The following CAMTA1 variants were observed in gnomAD, a reference collection of about 807,000 sequenced individuals.
CAMTA1 encodes the protein calmodulin binding transcription activator 1, also known as calmodulin-binding transcription activator 1.
Under a neutral mutation model 170.9 loss-of-function variants are expected in CAMTA1, and 27 were observed. The observed-to-expected ratio is 0.16, with a 90% CI of 0.12 to 0.22. The LOEUF (loss-of-function observed/expected upper bound fraction) is 0.22. Among genes scored for constraint, CAMTA1 ranks in the 10% least tolerant of loss-of-function variants. The pLI, the probability that CAMTA1 is intolerant of heterozygous loss-of-function variation, is 1.00. For missense variants in CAMTA1, 1,619 were observed against 2,217.2 expected, an observed-to-expected ratio of 0.73 and a Z score of 5.42; for synonymous variants, 833 against 891.5, an observed-to-expected ratio of 0.93 and a Z score of 1.17.
chr1:6,956,558 A>G (rs1183005380), intron 3 of CAMTA1, among the ~76,000 whole-genome samples: 1 of 152,172 alleles, frequency 6.6e-6, no homozygotes, highest in Non-Finnish European at 1.5e-5. Flanking sequence ...ACTGACTCAG[A>G]AGGCAACAGC....
At chr1:7,760,203 T>A (rs1184355286) in intron 22 of CAMTA1, among the ~76,000 whole-genome samples, 18 of 152,250 alleles carry the variant, frequency 1.2e-4, no homozygotes, top group Non-Finnish European at 2.6e-4. Flanking sequence ...CAACATATTT[T>A]CTTTTTATTT....
At chr1:7,100,032 CT>C (rs1399027102) in intron 4 of CAMTA1, among the ~76,000 whole-genome samples, 1 of 152,170 alleles carries the variant, frequency 6.6e-6, no homozygotes. Flanking sequence ...CTATTGCCCC[CT>C]ATACAGATGT....
At chr1:7,650,381 G>A (rs977266297) in intron 7 of CAMTA1, among the ~76,000 whole-genome samples, 3 of 152,170 alleles carry the variant, frequency 2.0e-5, no homozygotes, top group African/African-American at 7.2e-5. Context: ...CACCCCACAC[G>A]CTCTGTATTT....
At chr1:7,666,213 C>T (rs960435971) in intron 9 of CAMTA1, among the ~76,000 whole-genome samples, 2 of 151,470 alleles carry the variant, frequency 1.3e-5, no homozygotes, top group Non-Finnish European at 2.9e-5. Context: ...AGATCGTCTA[C>T]ATCCACTGCC....
intron 5 of CAMTA1, among the ~76,000 whole-genome samples, chr1:7,344,748 C>CT (rs70984076): frequency 0.38 from 54,417 of 142,476 alleles, 10,874 homozygotes; most frequent in Non-Finnish European, 0.45. Flanking sequence ...CTGCTCAAGT[C>CT]TTTTTTTTTT....
chr1:6,929,458 G>A (rs1683986164), intron 3 of CAMTA1, among the ~76,000 whole-genome samples: 3 of 152,120 alleles, frequency 2.0e-5, no homozygotes, highest in Admixed American at 2.0e-4. Flanking sequence ...CGCCTCCTGG[G>A]TTCACGCCAT....
intron 5 of CAMTA1, among the ~76,000 whole-genome samples, chr1:7,313,052 C>T (rs973659386): frequency 2.6e-5 from 4 of 151,812 alleles, no homozygotes; most frequent in South Asian, 2.1e-4. Context: ...TCCTGTCTTT[C>T]GATAAAGTGG....
chr1:7,170,689 C>T (rs1649427276), intron 4 of CAMTA1, among the ~76,000 whole-genome samples: 1 of 152,126 alleles, frequency 6.6e-6, no homozygotes, highest in African/African-American at 2.4e-5. Context: ...GTATATGTGC[C>T]ACATTTTCTT....
chr1:7,711,502 C>G (rs1358063908), intron 11 of CAMTA1, among the ~76,000 whole-genome samples: 1 of 152,160 alleles, frequency 6.6e-6, no homozygotes, highest in African/African-American at 2.4e-5. Flanking sequence ...AAACACCATC[C>G]TGAAGCTACA....
chr1:7,707,840 C>T (rs2096538382), intron 11 of CAMTA1, among the ~76,000 whole-genome samples: 1 of 152,186 alleles, frequency 6.6e-6, no homozygotes, highest in African/African-American at 2.4e-5. Context: ...TTAGAGTCTT[C>T]TCCTCTTCTT....
intron 7 of CAMTA1, among the ~76,000 whole-genome samples, chr1:7,650,256 C>T (rs182122540): frequency 2.5e-3 from 380 of 152,350 alleles, no homozygotes; most frequent in Non-Finnish European, 3.9e-3. Flanking sequence ...AATGCCGCTT[C>T]GCACATCAGG....
chr1:6,812,957 T>C (rs970833968), intron 1 of CAMTA1, among the ~76,000 whole-genome samples: 1 of 152,212 alleles, frequency 6.6e-6, no homozygotes, highest in Non-Finnish European at 1.5e-5. Flanking sequence ...CCCAATTACC[T>C]TAGAGGTTAC....
At chr1:7,566,199 C>T (rs144851189) in intron 6 of CAMTA1, among the ~76,000 whole-genome samples, 9 of 152,290 alleles carry the variant, frequency 5.9e-5, no homozygotes, top group East Asian at 1.9e-4. Context: ...GGATCTGGTG[C>T]GAGCCGGGCT....
intron 3 of CAMTA1, among the ~76,000 whole-genome samples, chr1:6,862,652 C>T (rs1233416981): frequency 6.6e-6 from 1 of 152,114 alleles, no homozygotes; most frequent in Non-Finnish European, 1.5e-5. Flanking sequence ...CATACTCACC[C>T]ACTTTGGCTG....
intron 5 of CAMTA1, among the ~76,000 whole-genome samples, chr1:7,301,903 GC>G (rs1375472711): frequency 6.6e-6 from 1 of 152,140 alleles, no homozygotes; most frequent in African/African-American, 2.4e-5. Context: ...GCTTTCTCGG[GC>G]CCCTGGGCCT....
chr1:7,616,787 G>A (rs2150730948), intron 6 of CAMTA1, among the ~76,000 whole-genome samples: 1 of 152,228 alleles, frequency 6.6e-6, no homozygotes, highest in African/African-American at 2.4e-5. Flanking sequence ...TGAAGAGGAG[G>A]GGTGAGCGCA....
intron 3 of CAMTA1, among the ~76,000 whole-genome samples, chr1:7,016,251 G>A (rs1226873306): frequency 6.6e-6 from 1 of 152,172 alleles, no homozygotes; most frequent in African/African-American, 2.4e-5. Context: ...TCAACAGTTG[G>A]TTCCTTTCAG....
chr1:7,022,033 G>A (rs1327006383), intron 3 of CAMTA1, among the ~76,000 whole-genome samples: 2 of 152,202 alleles, frequency 1.3e-5, no homozygotes, highest in African/African-American at 4.8e-5. Context: ...AGCTGGTCAG[G>A]GGCAAAGCTC....
chr1:7,619,946 G>A (rs2095586230), intron 6 of CAMTA1, among the ~76,000 whole-genome samples: 2 of 152,228 alleles, frequency 1.3e-5, no homozygotes, highest in African/African-American at 4.8e-5. Flanking sequence ...TGCAGACAAT[G>A]TATGTGATGC....
Sources: gnomAD v4.1 joint callset for allele counts (sites outside exome capture counted in the v4.1 genomes callset) on GRCh38, gnomAD v4.1.1 for gene constraint, MANE v1.5 for transcripts, NCBI Gene and HGNC (gene_info 2026-07-23, HGNC 2026-07-21) for gene names.